XKR4: variants seen among roughly 807,000 people sequenced by gnomAD.
The protein encoded by XKR4 is XK-related protein 4.
XKR4 carries 12 observed loss-of-function variants against 53.9 expected under a neutral mutation model. The observed-to-expected ratio is 0.22, with a 90% CI of 0.14 to 0.36. The LOEUF (loss-of-function observed/expected upper bound fraction) is 0.36. XKR4 is among the 10% of genes least tolerant of loss of function. The pLI is 1.00. For missense variants in XKR4, 799 were observed against 859.5 expected (o/e 0.93, Z 0.88); for synonymous variants, 354 against 362.4 (o/e 0.98, Z 0.26).
chr8:55,437,432 CTA>C (rs1276614860), intron 2 of XKR4, among the ~76,000 whole-genome samples: 1 of 152,140 alleles, frequency 6.6e-6, no homozygotes, highest in Non-Finnish European at 1.5e-5. Context: ...AGCTGACAGT[CTA>C]GGGATTCTGA....
intron 1 of XKR4, among the ~76,000 whole-genome samples, chr8:55,197,856 T>G (rs1462166797): frequency 1.3e-5 from 2 of 152,188 alleles, no homozygotes; most frequent in African/African-American, 4.8e-5. Flanking sequence ...TTCAGCTTAT[T>G]TTTAAAAACA....
rs190505033 is a variant in XKR4, at chr8:55,284,718, C to T, written c.807-72960C>T. On this transcript the variant is annotated intron_variant, in intron 1 of 2. Coordinates refer to ENST00000327381, the MANE Select transcript of XKR4 (RefSeq NM_052898.2). ...TGTGACACACACCCTGAGCCTGTCC[C>T]TCCCACCACATTCCATTCATTAGAA... is the stretch of plus-strand genomic sequence containing the variant. Among the ~76,000 whole-genome samples the T allele has an allele frequency of 7.9e-5, 12 of 152,264 alleles. No individual in the cohort carries two copies. In the East Asian group the frequency reaches 1.9e-3, roughly 25 times the overall value.
At chr8:55,203,396 A>C (rs1422912566) in intron 1 of XKR4, among the ~76,000 whole-genome samples, 1 of 152,210 alleles carries the variant, frequency 6.6e-6, no homozygotes, top group Non-Finnish European at 1.5e-5. Flanking sequence ...GCACCTAGTT[A>C]CTTTCAGGGG....
At chr8:55,306,452 T>G (rs1329949626) in intron 1 of XKR4, among the ~76,000 whole-genome samples, 1 of 152,164 alleles carries the variant, frequency 6.6e-6, no homozygotes, top group East Asian at 1.9e-4. Context: ...CTGGACAATG[T>G]ACGAAAGAAA....
intron 2 of XKR4, among the ~76,000 whole-genome samples, chr8:55,468,941 C>T (rs1027257364): frequency 6.6e-6 from 1 of 152,116 alleles, no homozygotes; most frequent in African/African-American, 2.4e-5. Flanking sequence ...ACTTCCAAGT[C>T]AAATATTCAA....
chr8:55,373,455 C>T (rs1336563982), intron 2 of XKR4, among the ~76,000 whole-genome samples: 2 of 152,192 alleles, frequency 1.3e-5, no homozygotes, highest in African/African-American at 4.8e-5. Context: ...GCATGAACCA[C>T]CGCACCTGGC....
intron 1 of XKR4, among the ~76,000 whole-genome samples, chr8:55,237,273 T>A (rs10958451): frequency 1.2e-4 from 18 of 152,204 alleles, no homozygotes; most frequent in African/African-American, 4.3e-4. Context: ...AAAATTCACA[T>A]GTATCATTTG....
At chr8:55,134,365 A>ATT (rs1316939411) in intron 1 of XKR4, among the ~76,000 whole-genome samples, 3 of 152,242 alleles carry the variant, frequency 2.0e-5, no homozygotes. Flanking sequence ...TAGCCTGTAT[A>ATT]TAATTTGTGA....
Position 55,277,266 on chromosome 8 carries a change from T to C in XKR4, c.807-80412T>C, listed in dbSNP as rs535066403. ...TTATAAATCCATGATGCTAAGGTGC[T>C]ACTAACAAAGGTGCTGAATAAATAA... On this transcript the variant is annotated intron_variant, in intron 1 of 2. Transcript: ENST00000327381. 2.0e-5 allele frequency among the ~76,000 whole-genome samples: 3 copies of C among 152,354 alleles called. No individual in the cohort carries two copies. The South Asian group carries it at 6.2e-4, about 32-fold the overall frequency.
intron 2 of XKR4, among the ~76,000 whole-genome samples, chr8:55,455,486 G>C (rs1191107829): frequency 6.6e-6 from 1 of 152,122 alleles, no homozygotes; most frequent in Admixed American, 6.5e-5. Context: ...TGCTAGAGGG[G>C]GCTGGCTCAA....
chr8:55,220,623 C>T (rs767271518), intron 1 of XKR4, among the ~76,000 whole-genome samples: 30 of 152,186 alleles, frequency 2.0e-4, no homozygotes, highest in Admixed American at 1.7e-3. Flanking sequence ...TCTCAAAGCT[C>T]TCCCACTGGG....
chr8:55,485,955 A>G (rs577732302), intron 2 of XKR4, among the ~76,000 whole-genome samples: 1 of 152,366 alleles, frequency 6.6e-6, no homozygotes, highest in Admixed American at 6.5e-5. Flanking sequence ...CTTAAAAAGC[A>G]TTTATTTACA....
intron 1 of XKR4, among the ~76,000 whole-genome samples, chr8:55,180,542 T>G (rs1202971370): frequency 6.6e-6 from 1 of 152,154 alleles, no homozygotes; most frequent in African/African-American, 2.4e-5. Context: ...GTATTCTTTT[T>G]TTTTCTTTGA....
chr8:55,380,646 A>G (rs1804218398), intron 2 of XKR4, among the ~76,000 whole-genome samples: 1 of 152,274 alleles, frequency 6.6e-6, no homozygotes, highest in African/African-American at 2.4e-5. Flanking sequence ...TGGGAAACTA[A>G]GTAGGGTTTA....
At chr8:55,178,068 A>G (rs1045253638) in intron 1 of XKR4, among the ~76,000 whole-genome samples, 5 of 152,342 alleles carry the variant, frequency 3.3e-5, no homozygotes, top group African/African-American at 1.2e-4. Flanking sequence ...ACTGTCAGCA[A>G]TTTCTGCATT....
chr8:55,122,969 G>T (rs1451720411), intron 1 of XKR4, among the ~76,000 whole-genome samples: 1 of 150,314 alleles, frequency 6.7e-6, no homozygotes, highest in African/African-American at 2.5e-5. Flanking sequence ...GTGTGTACAA[G>T]CTCCTCTCTG....
At chr8:55,202,195 G>T (rs1817584719) in intron 1 of XKR4, among the ~76,000 whole-genome samples, 1 of 152,182 alleles carries the variant, frequency 6.6e-6, no homozygotes, top group African/African-American at 2.4e-5. Context: ...CCTTTTAAAA[G>T]TTGGTGAATA....
rs1345989112 is a variant in XKR4 at position 55,527,967 on chromosome 8, CATAT to C, written c.*3743_*3746del. ...CCTTTTAAGTGTGTTTGTGTACATACATATATGTATATATACGTACCTATATATG... is the reference window on the plus strand; with the variant it reads ...CCTTTTAAGTGTGTTTGTGTACATACATGTATATATACGTACCTATATATG... On this transcript the variant is annotated 3_prime_UTR_variant, in exon 3 of 3. Coordinates refer to ENST00000327381, the MANE Select transcript of XKR4 (RefSeq NM_052898.2). 2 of 152,008 alleles carry C rather than the reference CATAT, an allele frequency of 1.3e-5. No individual in the cohort carries two copies. The highest frequency in any genetic ancestry group is 4.8e-5 in the African/African-American group (2 of 41,374). 9.4% of individuals were successfully genotyped at this position (152,008 alleles called of 1,614,324 possible). A position where few individuals can be genotyped will look rare whatever the true frequency, so the allele number is the denominator to read the frequency against.
At chr8:55,125,562 C>T (rs1816454892) in intron 1 of XKR4, among the ~76,000 whole-genome samples, 1 of 152,082 alleles carries the variant, frequency 6.6e-6, no homozygotes, top group African/African-American at 2.4e-5. Flanking sequence ...ACAAACATTG[C>T]CCATTAATAT....
Sources: gnomAD v4.1 joint callset for allele counts (sites outside exome capture counted in the v4.1 genomes callset) on GRCh38, gnomAD v4.1.1 for gene constraint, MANE v1.5 for transcripts, NCBI Gene and HGNC (gene_info 2026-07-23, HGNC 2026-07-21) for gene names.